Variants in CCDC141 observed in about 807,000 individuals in gnomAD.
CCDC141 encodes the protein coiled-coil domain containing 141, also known as coiled-coil domain-containing protein 141.
A neutral mutation model predicts 181.0 loss-of-function variants in CCDC141; 168 were observed. The ratio of observed to expected loss-of-function variants is 0.93; its 90% CI spans 0.82 to 1.05. The LOEUF is 1.05. Among genes scored for constraint, CCDC141 ranks in the 50% least tolerant of loss-of-function variants. The pLI is 0.00. For synonymous variants in CCDC141, 666 were observed against 642.3 expected, an observed-to-expected ratio of 1.04 and a Z score of -0.56; for missense variants, 1,902 against 1,788.5, an observed-to-expected ratio of 1.06 and a Z score of -1.14.
chr2:178,839,290 G>A (rs545588623), intron 22 of CCDC141, among the ~76,000 whole-genome samples: 137 of 152,032 alleles, frequency 9.0e-4, no homozygotes, highest in African/African-American at 3.0e-3. Flanking sequence ...GTGCGCACCT[G>A]CAGTCCCAGC....
chr2:178,928,573 T>A (rs1184880491), intron 6 of CCDC141, among the ~76,000 whole-genome samples: 2 of 152,092 alleles, frequency 1.3e-5, no homozygotes, highest in African/African-American at 4.8e-5. Flanking sequence ...AAAAAAGATA[T>A]ATGAGGAATT....
At chr2:178,860,961 G>C (rs1685588469) in intron 17 of CCDC141, among the ~76,000 whole-genome samples, 1 of 152,138 alleles carries the variant, frequency 6.6e-6, no homozygotes, top group Non-Finnish European at 1.5e-5. Context: ...AGTTTCCACA[G>C]TCATTTTGCA....
At chr2:178,902,306 T>A (rs975338712) in intron 8 of CCDC141, among the ~76,000 whole-genome samples, 8 of 152,204 alleles carry the variant, frequency 5.3e-5, no homozygotes, top group African/African-American at 1.4e-4. Flanking sequence ...AAGTCAATCC[T>A]AAGCCAAAAG....
At chr2:178,845,835 G>A in intron 21 of CCDC141, 93 bp from the exon 22 acceptor site, 1 of 767,838 alleles carries the variant, frequency 1.3e-6, no homozygotes, top group Non-Finnish European at 2.3e-6. Context: ...TAGACCACTT[G>A]CAACCTTTCA....
intron 14 of CCDC141, among the ~76,000 whole-genome samples, 159 bp downstream of exon 14, chr2:178,871,268 A>G (rs1260953551): frequency 6.6e-6 from 1 of 152,248 alleles, no homozygotes; most frequent in Non-Finnish European, 1.5e-5. Context: ...GCAGGAAAAA[A>G]GTAAGAAAAA....
chr2:178,845,642 T>C lies in CCDC141; in HGVS notation c.3458A>G (p.Asn1153Ser). 1.3e-6 allele frequency: 2 copies of C among 1,593,064 alleles called. No individual in the cohort carries two copies. Among genetic ancestry groups the C allele is most frequent in the Non-Finnish European group, 1.7e-6 (2 of 1,161,064 alleles). The change falls in exon 22 of 24, where the codon AAT (asparagine) becomes AGT (serine). Residue 1153 changes from asparagine to serine, a missense_variant. Asn to Ser is a conservative substitution (Grantham distance 46). Coordinates refer to ENST00000443758, the MANE Select transcript of CCDC141 (RefSeq NM_173648.4). ...TTTCTTTACCTTATTCCTTTCTTCA[T>C]TGAATATTGTCTGCTTATTTTTTGC... is the stretch of plus-strand genomic sequence containing the variant. ...EPAKNKQTIFNEERNKGQVQV... is the reference protein window; with the variant it reads ...EPAKNKQTIFSEERNKGQVQV...
At chr2:179,012,591 AG>A (rs2042300785) in intron 2 of CCDC141, among the ~76,000 whole-genome samples, 1 of 151,726 alleles carries the variant, frequency 6.6e-6, no homozygotes. Context: ...AAGATAAAGA[AG>A]GAACCCTCCC....
intron 8 of CCDC141, among the ~76,000 whole-genome samples, chr2:178,899,710 C>G (rs575429671): frequency 1.3e-5 from 2 of 152,274 alleles, no homozygotes; most frequent in South Asian, 4.1e-4. Flanking sequence ...GTCTCAGAAG[C>G]TATTGTGATG....
chr2:179,015,580 T>TATATATGATATATATATCTC lies in CCDC141; in HGVS notation c.225+31703_225+31704insGAGATATATATATCATATAT, dbSNP rs1559050160. 1.5e-4 allele frequency among the ~76,000 whole-genome samples: 12 copies of TATATATGATATATATATCTC among 82,442 alleles called. 4 individuals are homozygous for TATATATGATATATATATCTC. The East Asian group carries it at 2.0e-3, about 14-fold the overall frequency. The allele number at this position is 82,442 out of a possible 152,430, so 54.1% of individuals were successfully genotyped here. On this transcript the variant is annotated intron_variant, in intron 2 of 23. Transcript: ENST00000443758. ...TCTCATATATATCTCATATATCTCA[T>TATATATGATATATATATCTC]ATATATCTCATATGTATCTCATATA...
At chr2:178,924,402 T>C (rs1688834292) in intron 6 of CCDC141, among the ~76,000 whole-genome samples, 1 of 152,120 alleles carries the variant, frequency 6.6e-6, no homozygotes, top group Admixed American at 6.6e-5. Flanking sequence ...TGACACAAAA[T>C]CATAGAATTT....
At chr2:178,818,271 G>A in the CCDC141 span, among the ~76,000 whole-genome samples, 1 of 152,102 alleles carries the variant, frequency 6.6e-6, no homozygotes, top group South Asian at 2.1e-4. Context: ...CCATAAAGGT[G>A]ACTTTTTAAA....
chr2:178,837,984 C>T lies in CCDC141; in HGVS notation c.3475-240G>A, dbSNP rs78811572. On this transcript the variant is annotated intron_variant, in intron 22 of 23. Transcript: ENST00000443758. ...CAAGTTCTGAGTAAAGTGTGATAGA[C>T]ATTGTGAACAGAAGAGAGAAAGCCC... Among the ~76,000 whole-genome samples the T allele has an allele frequency of 5.2e-3, 791 of 152,262 alleles. 12 individuals are homozygous for T. Among genetic ancestry groups the T allele is most frequent in the African/African-American group, 0.018 (731 of 41,550 alleles).
chr2:178,892,943 G>C (rs1249689847), intron 8 of CCDC141, among the ~76,000 whole-genome samples: 5 of 152,162 alleles, frequency 3.3e-5, no homozygotes, highest in Admixed American at 2.0e-4. Context: ...GCTAACAATG[G>C]GCTTAGACTT....
In CCDC141 at chr2:179,015,065, GAGATAT is replaced by G. The variant is rs1272665798; in HGVS notation, c.225+32213_225+32218del. On this transcript the variant is annotated intron_variant, in intron 2 of 23. Coordinates refer to ENST00000443758, the MANE Select transcript of CCDC141 (RefSeq NM_173648.4). ...GAGTGGATAAACTGTGAGAGAGACA[GAGATAT>G]ATATATATATATATATATATATATA... Among the ~76,000 whole-genome samples, 54 of 10,970 alleles carry G rather than the reference GAGATAT, an allele frequency of 4.9e-3. 1 individual carries two copies. Among genetic ancestry groups the G allele is most frequent in the East Asian group, 0.027 (4 of 150 alleles). The allele number at this position is 10,970 out of a possible 152,430, so 7.2% of individuals were successfully genotyped here. A position where few individuals can be genotyped will look rare whatever the true frequency, so the allele number is the denominator to read the frequency against.
chr2:178,863,393 G>A (rs1348508965), intron 17 of CCDC141, among the ~76,000 whole-genome samples: 3 of 152,076 alleles, frequency 2.0e-5, no homozygotes, highest in Non-Finnish European at 4.4e-5. Context: ...TAGTCCTCTG[G>A]CATGTTATCT....
chr2:178,941,958 C>CAAAAAAAAAA (rs66903231), intron 6 of CCDC141, among the ~76,000 whole-genome samples: 5 of 71,488 alleles, frequency 7.0e-5, no homozygotes, highest in African/African-American at 2.5e-4. Context: ...GATCCCATCT[C>CAAAAAAAAAA]AAAAAAAAAA....
At chr2:178,992,871 T>C (rs1355150344) in intron 2 of CCDC141, among the ~76,000 whole-genome samples, 2 of 152,072 alleles carry the variant, frequency 1.3e-5, no homozygotes, top group African/African-American at 4.8e-5. Context: ...GAGCTGATGG[T>C]TTTTAAGTGG....
Position 178,923,139 on chromosome 2 carries a change from C to T in CCDC141, c.898-4232G>A, listed in dbSNP as rs569281871. 4.5e-3 allele frequency among the ~76,000 whole-genome samples: 651 copies of T among 143,676 alleles called. 2 individuals are homozygous for T. Among genetic ancestry groups the T allele is most frequent in the South Asian group, 8.9e-3 (40 of 4,496 alleles). 94.3% of individuals were successfully genotyped at this position (143,676 alleles called of 152,430 possible). ...TTTTTTTTTGAGACGGAGTCTCGCT[C>T]TGTCGCCCAGGCTGGAGTGCAGTGG... On this transcript the variant is annotated intron_variant, in intron 6 of 23. Transcript: ENST00000443758.
At chr2:179,015,558 C>CATATATATGAT (rs1553503077) in intron 2 of CCDC141, among the ~76,000 whole-genome samples, 3,709 of 22,608 alleles carry the variant, frequency 0.16, 1,074 homozygotes, top group Non-Finnish European at 0.27. Flanking sequence ...TCTCATATCT[C>CATATATATGAT]ATATATATCT....
Sources: allele counts gnomAD v4.1 joint callset (sites outside exome capture counted in the v4.1 genomes callset), GRCh38; gene constraint gnomAD v4.1.1; transcripts MANE v1.5; gene names NCBI Gene and HGNC (gene_info 2026-07-23, HGNC 2026-07-21).